METTL9: variants seen among roughly 807,000 people sequenced by gnomAD.
METTL9 encodes methyltransferase 9, His-X-His N1(pi)-histidine.
In METTL9, 10 loss-of-function variants were observed where a neutral mutation model predicts 36.0. The observed-to-expected ratio is 0.28, with a 90% CI of 0.17 to 0.47. The LOEUF (loss-of-function observed/expected upper bound fraction) is 0.47, where lower values mean the gene tolerates loss of function less well. METTL9 is among the 20% of genes least tolerant of loss of function. The pLI is 0.99. For missense variants in METTL9, 246 were observed against 383.5 expected, an observed-to-expected ratio of 0.64 and a Z score of 3.00; for synonymous variants, 175 against 149.7, an observed-to-expected ratio of 1.17 and a Z score of -1.23.
chr16:21,642,323 A>G (rs1255117443), intron 4 of METTL9: 1 of 152,234 alleles, frequency 6.6e-6, no homozygotes, highest in Non-Finnish European at 1.5e-5. Context: ...TTACACTAAA[A>G]TTGGAATGAT....
intron 2 of METTL9, 54 bp from the exon 3 acceptor site, chr16:21,617,811 G>A: frequency 7.0e-7 from 1 of 1,423,950 alleles, no homozygotes; most frequent in Non-Finnish European, 9.9e-7. Context: ...GTGTGTATGT[G>A]AGGGGTGCTT....
At chr16:21,621,223 G>C (rs972819459) in intron 3 of METTL9, among the ~76,000 whole-genome samples, 4 of 151,956 alleles carry the variant, frequency 2.6e-5, no homozygotes, top group African/African-American at 9.7e-5. Flanking sequence ...ATGTTGACCA[G>C]GCCAGTCTTG....
At chr16:21,605,564 G>C (rs1227269291) in intron 1 of METTL9, among the ~76,000 whole-genome samples, 3 of 152,014 alleles carry the variant, frequency 2.0e-5, no homozygotes, top group African/African-American at 7.2e-5. Context: ...CTTCTGAATA[G>C]GAAACTGCCC....
At chr16:21,643,434 G>C in intron 4 of METTL9, 3 of 699,954 alleles carry the variant, frequency 4.3e-6, no homozygotes, top group Non-Finnish European at 4.7e-6. Context: ...AAGTTACCTT[G>C]ATATTCTGTT....
intron 3 of METTL9, among the ~76,000 whole-genome samples, chr16:21,620,065 G>A (rs1260847212): frequency 6.6e-6 from 1 of 152,138 alleles, no homozygotes; most frequent in Non-Finnish European, 1.5e-5. Context: ...ATTTTTATAT[G>A]GAAGGAAAGG....
chr16:21,600,403 A>G (rs550510042), intron 1 of METTL9, among the ~76,000 whole-genome samples: 90 of 152,312 alleles, frequency 5.9e-4, no homozygotes, highest in Middle Eastern at 3.4e-3. Flanking sequence ...ATCGCAAGCC[A>G]TTGAACTCTC....
chr16:21,623,401 A>G (rs1965749828), intron 3 of METTL9, among the ~76,000 whole-genome samples: 1 of 152,180 alleles, frequency 6.6e-6, no homozygotes, highest in Middle Eastern at 3.2e-3. Flanking sequence ...TACTTTTAGA[A>G]TTTTCTGAGC....
At chr16:21,627,562 GAT>G (rs1487631616) in intron 4 of METTL9, 2 of 180,478 alleles carry the variant, frequency 1.1e-5, no homozygotes, top group Non-Finnish European at 2.1e-5. Flanking sequence ...AAAATTTAAT[GAT>G]GTTTAATTTT....
At chr16:21,639,020 A>T (rs1966179443) in intron 4 of METTL9, among the ~76,000 whole-genome samples, 1 of 152,214 alleles carries the variant, frequency 6.6e-6, no homozygotes, top group Non-Finnish European at 1.5e-5. Flanking sequence ...GAAATCTCTG[A>T]AACTGCTAAG....
rs1965665220 is a variant in METTL9 at position 21,620,393 on chromosome 16, C to T, written c.566+2319C>T. On this transcript the variant is annotated intron_variant, in intron 3 of 4. Transcript: ENST00000358154. ...TAGAATGCTTTGACCTTTGTTATAACAGTGGCTTAAGTCAGGCTGAATTCC... is the reference window on the plus strand; with the variant it reads ...TAGAATGCTTTGACCTTTGTTATAATAGTGGCTTAAGTCAGGCTGAATTCC... Among the ~76,000 whole-genome samples, 6 of 152,250 alleles carry T rather than the reference C, an allele frequency of 3.9e-5. No homozygotes were observed. The South Asian group carries it at 1.2e-3, about 32-fold the overall frequency.
At chr16:21,610,943 G>C (rs940737210) in intron 1 of METTL9, among the ~76,000 whole-genome samples, 1 of 152,096 alleles carries the variant, frequency 6.6e-6, no homozygotes, top group African/African-American at 2.4e-5. Context: ...AGGAGGTCAT[G>C]AGTATAATAA....
intron 2 of METTL9, among the ~76,000 whole-genome samples, chr16:21,614,407 C>G (rs769757907): frequency 7.9e-5 from 12 of 152,112 alleles, no homozygotes; most frequent in African/African-American, 7.2e-5. Flanking sequence ...CTTTCCTCTA[C>G]CCATAAGACC....
At chr16:21,647,802 C>T (rs71374885) in intron 4 of METTL9, among the ~76,000 whole-genome samples, 1,825 of 152,198 alleles carry the variant, frequency 0.012, 17 homozygotes, top group Non-Finnish European at 0.02. Context: ...AGTTTGGGGT[C>T]CATCTGTGAC....
At chr16:21,629,735 AGC>A (rs1200187234) in intron 4 of METTL9, among the ~76,000 whole-genome samples, 3 of 152,192 alleles carry the variant, frequency 2.0e-5, no homozygotes, top group African/African-American at 7.2e-5. Context: ...ATGGGGACCC[AGC>A]AGGTTGGTGC....
chr16:21,635,057 C>A (rs1002053463), intron 4 of METTL9, among the ~76,000 whole-genome samples: 8 of 152,122 alleles, frequency 5.3e-5, no homozygotes, highest in Non-Finnish European at 8.8e-5. Context: ...AACTCTCGGG[C>A]TGCAGCTAAA....
rs1222432440 is a variant in METTL9 at position 21,656,682 on chromosome 16, C to G, written c.*1250C>G. On this transcript the variant is annotated 3_prime_UTR_variant, in exon 5 of 5. Transcript: ENST00000358154. The stretch of plus-strand genomic sequence containing the variant: ...TCACTACTTTATTTCTTTTTTCATC[C>G]AGGTGTTTCATTAAGTATTCTCATT... 6.6e-6 allele frequency: 1 copy of G among 152,040 alleles called. No individual in the cohort carries two copies. The highest frequency in any genetic ancestry group is 1.5e-5 in the Non-Finnish European group (1 of 68,014). The allele number at this position is 152,040 out of a possible 1,614,324, so 9.4% of individuals were successfully genotyped here.
intron 2 of METTL9, among the ~76,000 whole-genome samples, chr16:21,614,456 T>A (rs892205609): frequency 1.3e-5 from 2 of 152,168 alleles, no homozygotes; most frequent in African/African-American, 4.8e-5. Context: ...CACAGTTTGA[T>A]CAAAGAGGCA....
At chr16:21,599,171 C>A (rs1246972501), upstream of METTL9, among the ~76,000 whole-genome samples, 1 of 152,098 alleles carries the variant, frequency 6.6e-6, no homozygotes, top group Non-Finnish European at 1.5e-5. This position sits in a 1 kb window ranked among gnomAD's most constrained non-coding sequence, Gnocchi z 4.4. Context: ...CAAAGTCCCG[C>A]CGTGGAGTGG....
rs1417754258 is a variant in METTL9, at chr16:21,656,257, T to C, written c.*825T>C. The C allele has an allele frequency of 1.4e-5, 2 of 142,334 alleles. No homozygotes were observed. The highest frequency in any genetic ancestry group is 2.6e-5 in the African/African-American group (1 of 37,876). The allele number at this position is 142,334 out of a possible 1,614,324, so 8.8% of individuals were successfully genotyped here. On this transcript the variant is annotated 3_prime_UTR_variant, in exon 5 of 5. Transcript: ENST00000358154. ...TGACTTTGTGATCACTCATGTCCCA[T>C]ACACTGAACTTTGTTTTTTTCTGGA... is the stretch of plus-strand genomic sequence containing the variant.
Sources: allele counts gnomAD v4.1 joint callset (sites outside exome capture counted in the v4.1 genomes callset), GRCh38; gene constraint gnomAD v4.1.1; non-coding constraint Gnocchi (gnomAD v3.1); transcripts MANE v1.5; gene names NCBI Gene and HGNC (gene_info 2026-07-23, HGNC 2026-07-21).